Variants in PRKN observed in about 807,000 individuals in gnomAD.
The protein encoded by PRKN is parkin RBR E3 ubiquitin protein ligase.
In PRKN, 56 loss-of-function variants were observed where a neutral mutation model predicts 59.5. That is an observed-to-expected ratio of 0.94 (90% confidence interval 0.76 to 1.18). The LOEUF (loss-of-function observed/expected upper bound fraction) is 1.18. Among genes scored for constraint, PRKN ranks in the 50% most tolerant of loss-of-function variants. The pLI, the probability that PRKN is intolerant of heterozygous loss-of-function variation, is 0.00. For missense variants in PRKN, 657 were observed against 596.4 expected (o/e 1.10, Z -1.06); for synonymous variants, 250 against 222.1 (o/e 1.13, Z -1.12).
Position 161,554,266 on chromosome 6 carries a change from T to G in PRKN, c.934-5263A>C, listed in dbSNP as rs1312146966. ...ACTGTGCCTATGATTTCTGAAAACTTCAAATATGTTTTCATATGCTCTACT... is the reference window on the plus strand; with the variant it reads ...ACTGTGCCTATGATTTCTGAAAACTGCAAATATGTTTTCATATGCTCTACT... On this transcript the variant is annotated intron_variant, in intron 8 of 11. Transcript: ENST00000366898. This position sits in a 1 kb window ranked among gnomAD's most constrained non-coding sequence, Gnocchi z 4.5. Among the ~76,000 whole-genome samples the G allele has an allele frequency of 6.6e-6, 1 of 152,150 alleles. No homozygotes were observed. Among genetic ancestry groups the G allele is most frequent in the Non-Finnish European group, 1.5e-5 (1 of 68,032 alleles).
intron 1 of PRKN, among the ~76,000 whole-genome samples, chr6:162,490,462 ACACT>A (rs1209529490): frequency 6.6e-6 from 1 of 152,214 alleles, no homozygotes; most frequent in African/African-American, 2.4e-5. Flanking sequence ...ACAAAAAATA[ACACT>A]CACTAATAGA....
intron 4 of PRKN, among the ~76,000 whole-genome samples, chr6:162,073,775 T>C (rs1431960952): frequency 1.3e-5 from 2 of 152,182 alleles, no homozygotes; most frequent in African/African-American, 4.8e-5. Flanking sequence ...AAAACATAAT[T>C]TGGCAGATAA....
intron 4 of PRKN, among the ~76,000 whole-genome samples, chr6:162,156,504 T>A (rs1002450467): frequency 1.3e-5 from 2 of 152,164 alleles, no homozygotes; most frequent in African/African-American, 4.8e-5. Context: ...AGTCCAAAAG[T>A]TGAAGAACTT....
At position 161,360,198 on chromosome 6, in the gene PRKN, C is replaced by T. The variant is rs539790024; in HGVS notation, c.1175G>A (p.Arg392Lys). The stretch of plus-strand genomic sequence containing the variant: ...CTGCTCGGCGGCTCTTTCATCGACT[C>T]TGTAGGCCTGGGGAAACAAAGAGGA... Reference protein sequence around the residue: ...EASGTTTQAYRVDERAAEQAR... With the variant: ...EASGTTTQAYKVDERAAEQAR... Residue 392 changes from arginine (R) to lysine (K), a missense_variant, in exon 11 of 12, where the codon AGA (arginine) becomes AAA (lysine). By Grantham distance (26) the Arg-to-Lys change is conservative (BLOSUM62 2). Coordinates refer to ENST00000366898, the MANE Select transcript of PRKN (RefSeq NM_004562.3). The surrounding 1 kb of genome is among the most constrained non-coding windows in gnomAD (Gnocchi z 5.1). 2.5e-6 allele frequency: 4 copies of T among 1,612,504 alleles called. No homozygotes were observed.
At chr6:161,917,174 C>T (rs960966499) in intron 6 of PRKN, among the ~76,000 whole-genome samples, 9 of 151,622 alleles carry the variant, frequency 5.9e-5, no homozygotes, top group East Asian at 1.9e-4. Flanking sequence ...GACACGATCT[C>T]GGCTTACTGC....
intron 3 of PRKN, among the ~76,000 whole-genome samples, chr6:162,225,154 C>T (rs1217558896): frequency 6.6e-6 from 1 of 152,146 alleles, no homozygotes; most frequent in Non-Finnish European, 1.5e-5. Flanking sequence ...TGAGCAGGTG[C>T]AAAAGACAAA....
chr6:162,012,106 G>A (rs999054158), intron 5 of PRKN, among the ~76,000 whole-genome samples: 5 of 152,046 alleles, frequency 3.3e-5, no homozygotes, highest in African/African-American at 1.2e-4. Context: ...CTTTGATCAC[G>A]TCATCCTGCG....
At chr6:162,096,200 A>T (rs1779722858) in intron 4 of PRKN, among the ~76,000 whole-genome samples, 1 of 152,116 alleles carries the variant, frequency 6.6e-6, no homozygotes, top group South Asian at 2.1e-4. Context: ...TTGTTTTACC[A>T]CAGATTAGGA....
intron 7 of PRKN, among the ~76,000 whole-genome samples, chr6:161,747,865 G>A (rs931751748): frequency 1.3e-5 from 2 of 152,182 alleles, no homozygotes; most frequent in Admixed American, 6.5e-5. Context: ...GTTAACAAAC[G>A]TATCTTAATG....
intron 1 of PRKN, among the ~76,000 whole-genome samples, chr6:162,608,803 A>C (rs544040024): frequency 1.3e-5 from 2 of 152,262 alleles, no homozygotes; most frequent in Middle Eastern, 6.8e-3. Context: ...TCTCAGTAGA[A>C]AAATCATGCA....
chr6:161,433,996 G>A (rs542166413), intron 9 of PRKN, among the ~76,000 whole-genome samples: 49 of 144,780 alleles, frequency 3.4e-4, no homozygotes, highest in African/African-American at 1.2e-3. Flanking sequence ...CAGCCTGGGT[G>A]ACAAGAGCGA....
intron 2 of PRKN, among the ~76,000 whole-genome samples, chr6:162,287,514 G>C (rs1469360253): frequency 6.6e-6 from 1 of 152,142 alleles, no homozygotes; most frequent in Non-Finnish European, 1.5e-5. Context: ...GCTGCAGTGA[G>C]CCATGATCAT....
chr6:162,109,516 C>G (rs1583045139), intron 4 of PRKN, among the ~76,000 whole-genome samples: 1 of 152,162 alleles, frequency 6.6e-6, no homozygotes, highest in East Asian at 1.9e-4. Context: ...AGCTATGGCT[C>G]TTCGGACCCT....
intron 6 of PRKN, among the ~76,000 whole-genome samples, chr6:161,802,565 C>T (rs1437386682): frequency 6.6e-6 from 1 of 152,126 alleles, no homozygotes; most frequent in African/African-American, 2.4e-5. Context: ...GCGTGCTTCC[C>T]CAATGGTCAC....
chr6:161,889,906 C>T (rs1329722849), intron 6 of PRKN, among the ~76,000 whole-genome samples: 1 of 151,918 alleles, frequency 6.6e-6, no homozygotes, highest in Non-Finnish European at 1.5e-5. Flanking sequence ...TTATTTATTG[C>T]TAAGAAGCTT....
chr6:161,987,132 C>A (rs73606810), intron 5 of PRKN, among the ~76,000 whole-genome samples: 1 of 152,152 alleles, frequency 6.6e-6, no homozygotes, highest in Non-Finnish European at 1.5e-5. Flanking sequence ...AAGTGCTTAA[C>A]ACAATTTAAT....
chr6:161,526,646 A>C lies in PRKN; in HGVS notation c.1083+22208T>G, dbSNP rs1279935016. Among the ~76,000 whole-genome samples, 1 of 151,696 alleles carries C rather than the reference A, an allele frequency of 6.6e-6. No homozygotes were observed. The highest frequency in any genetic ancestry group is 1.5e-5 in the Non-Finnish European group (1 of 67,942). ...ATCAGTAATTGCTACATGAGGAGCA[A>C]ACCCTCTGATATAATTTTACATTTA... On this transcript the variant is annotated intron_variant, in intron 9 of 11. Transcript: ENST00000366898. This position sits in a 1 kb window ranked among gnomAD's most constrained non-coding sequence, Gnocchi z 4.1.
At chr6:162,001,700 G>T (rs1782062489) in intron 5 of PRKN, among the ~76,000 whole-genome samples, 3 of 151,912 alleles carry the variant, frequency 2.0e-5, no homozygotes, top group African/African-American at 7.2e-5. Flanking sequence ...AAAAGGAGTG[G>T]TAAGAAATGA....
intron 5 of PRKN, among the ~76,000 whole-genome samples, chr6:162,031,279 T>C (rs1349043377): frequency 2.0e-5 from 3 of 151,752 alleles, no homozygotes; most frequent in African/African-American, 4.8e-5. Flanking sequence ...CAAGAATATA[T>C]GTTATCATTC....
Sources: allele counts gnomAD v4.1 joint callset (sites outside exome capture counted in the v4.1 genomes callset), GRCh38; gene constraint gnomAD v4.1.1; non-coding constraint Gnocchi (gnomAD v3.1); transcripts MANE v1.5; gene names NCBI Gene and HGNC (gene_info 2026-07-23, HGNC 2026-07-21).